Variants in CPEB2 observed in about 807,000 individuals in gnomAD.
The protein encoded by CPEB2 is cytoplasmic polyadenylation element binding protein 2.
In CPEB2, 56 loss-of-function variants were observed where a neutral mutation model predicts 93.6. That is an observed-to-expected ratio of 0.60 (90% CI 0.48 to 0.75). The LOEUF is 0.75. CPEB2 is among the 30% of genes least tolerant of loss of function. The pLI, the probability that CPEB2 is intolerant of heterozygous loss-of-function variation, is 0.00. For synonymous variants in CPEB2, 764 were observed against 586.3 expected (o/e 1.30, Z -4.38); for missense variants, 1,579 against 1,395.1 (o/e 1.13, Z -2.10).
In CPEB2 at chr4:15,004,201, C is replaced by G. The variant is rs938208942; in HGVS notation, c.1528C>G (p.Gln510Glu). The G allele has an allele frequency of 3.5e-6, 5 of 1,438,540 alleles. No individual in the cohort carries two copies. In the African/African-American group the frequency reaches 6.1e-5, roughly 17 times the overall value. The allele number at this position is 1,438,540 out of a possible 1,614,324, so 89.1% of individuals were successfully genotyped here. ...GCCGCCCGCCATGAATATACCTCAA[C>G]AGCAGCCCCCGCCGCCCGCGGCGCC... is the stretch of plus-strand genomic sequence containing the variant. Reference protein sequence around the residue: ...PPPPAMNIPQQQPPPPAAPQQ... With the variant: ...PPPPAMNIPQEQPPPPAAPQQ... The change falls in exon 1 of 12, where the codon CAG becomes GAG. Residue 510 changes from glutamine to glutamate, a missense_variant. Gln to Glu is a conservative substitution (Grantham distance 29). Transcript: ENST00000538197.
At chr4:15,015,400 T>C (rs1304425464) in intron 3 of CPEB2, among the ~76,000 whole-genome samples, 2 of 151,990 alleles carry the variant, frequency 1.3e-5, no homozygotes, top group African/African-American at 4.8e-5. Context: ...ATAGAGTTAA[T>C]TGGTGATAAA....
intron 6 of CPEB2, among the ~76,000 whole-genome samples, chr4:15,044,110 G>A (rs1052816200): frequency 1.3e-5 from 2 of 152,050 alleles, no homozygotes; most frequent in African/African-American, 4.8e-5. Context: ...TGAGAGAGTG[G>A]GCAAGATCTC....
intron 5 of CPEB2, among the ~76,000 whole-genome samples, chr4:15,038,612 G>A (rs1327959006): frequency 4.8e-5 from 7 of 147,188 alleles, no homozygotes; most frequent in Admixed American, 2.7e-4. Context: ...TCTTTGAGAC[G>A]GAGTCTCGTT....
intron 6 of CPEB2, among the ~76,000 whole-genome samples, chr4:15,045,270 C>T (rs1474185952): frequency 6.6e-6 from 1 of 152,128 alleles, no homozygotes; most frequent in African/African-American, 2.4e-5. Flanking sequence ...TCTAAATTCT[C>T]AGATGTTTTA....
rs1667143402 is a variant in CPEB2, at chr4:15,066,248, T to C, written c.2973T>C (p.Asn991=). ...GGKFAPFFCA[N]VTCLQYYCEF... is the part of the protein sequence containing the mutation. ...AATTTGCTCCCTTTTTTTGTGCCAA[T>C]GTCACTTGCCTGCAGTATTACTGTG... Residue 991 remains asparagine (N), a synonymous_variant, in exon 12 of 12, where the codon AAT becomes AAC. Transcript: ENST00000538197. 6.2e-7 allele frequency: 1 copy of C among 1,613,604 alleles called. No homozygotes were observed. Among genetic ancestry groups the C allele is most frequent in the Non-Finnish European group, 8.5e-7 (1 of 1,179,686 alleles).
chr4:15,066,428 G>A lies in CPEB2; in HGVS notation c.*48G>A. 5 of 1,341,622 alleles carry A rather than the reference G, an allele frequency of 3.7e-6. No homozygotes were observed. The highest frequency in any genetic ancestry group is 4.2e-6 in the Non-Finnish European group (4 of 954,770). 83.1% of individuals were successfully genotyped at this position (1,341,622 alleles called of 1,614,324 possible). On this transcript the variant is annotated 3_prime_UTR_variant, in exon 12 of 12. Transcript: ENST00000538197. ...TAACAAGGAAAGAAAGGGTGCATGT[G>A]GCTTACTGTGTCTGAAGATACTGAC...
chr4:15,004,927 T>G lies in CPEB2; in HGVS notation c.1662+592T>G, dbSNP rs1432980245. 1.3e-4 allele frequency: 12 copies of G among 92,738 alleles called. No individual in the cohort carries two copies. The East Asian group carries it at 3.7e-3, about 29-fold the overall frequency. The allele number at this position is 92,738 out of a possible 1,614,324, so 5.7% of individuals were successfully genotyped here. On this transcript the variant is annotated intron_variant, in intron 1 of 11. Transcript: ENST00000538197. Reference sequence around the variant, plus strand: ...GTCCAATGAGGGAAGGCGGAAAGGCTTTTTTTTTTCTTTGGAGTTTGTTTA... The same window carrying G: ...GTCCAATGAGGGAAGGCGGAAAGGCGTTTTTTTTTCTTTGGAGTTTGTTTA...
At chr4:15,009,643 T>G (rs1723232475) in intron 3 of CPEB2, among the ~76,000 whole-genome samples, 1 of 152,152 alleles carries the variant, frequency 6.6e-6, no homozygotes. Flanking sequence ...AGAGAAATGT[T>G]TTCAAATAGA....
chr4:15,042,910 A>C (rs1273150773), intron 6 of CPEB2, among the ~76,000 whole-genome samples: 1 of 152,204 alleles, frequency 6.6e-6, no homozygotes, highest in Non-Finnish European at 1.5e-5. Context: ...TCCATCAAAG[A>C]AACTGCATTT....
chr4:15,005,383 A>G (rs1722687854), intron 1 of CPEB2, among the ~76,000 whole-genome samples: 1 of 152,202 alleles, frequency 6.6e-6, no homozygotes, highest in Admixed American at 6.5e-5. Flanking sequence ...TTAAGTAGGT[A>G]ATATTGTGAA....
intron 6 of CPEB2, among the ~76,000 whole-genome samples, chr4:15,045,343 T>A (rs1401042976): frequency 6.6e-6 from 1 of 152,222 alleles, no homozygotes; most frequent in East Asian, 1.9e-4. Flanking sequence ...TCAGTGCTTA[T>A]GTACATAAAT....
At chr4:15,048,667 A>G (rs1727939863) in intron 6 of CPEB2, among the ~76,000 whole-genome samples, 1 of 151,846 alleles carries the variant, frequency 6.6e-6, no homozygotes, top group Non-Finnish European at 1.5e-5. Flanking sequence ...TGTTTTAAGC[A>G]TGTCTTGTTT....
chr4:15,065,691 T>G (rs1294443115), intron 11 of CPEB2, among the ~76,000 whole-genome samples: 3 of 152,056 alleles, frequency 2.0e-5, no homozygotes, highest in Non-Finnish European at 4.4e-5. Context: ...CTTTGTAAGA[T>G]TCTCCACAGT....
Position 15,003,034 on chromosome 4 carries a change from C to G in CPEB2, c.361C>G (p.His121Asp). 1 of 1,506,236 alleles carries G rather than the reference C, an allele frequency of 6.6e-7. No individual in the cohort carries two copies. Among genetic ancestry groups the G allele is most frequent in the Non-Finnish European group, 8.8e-7 (1 of 1,137,174 alleles). 93.3% of individuals were successfully genotyped at this position (1,506,236 alleles called of 1,614,324 possible). A position where few individuals can be genotyped will look rare whatever the true frequency, so the allele number is the denominator to read the frequency against. ...GAAATEKLPD[H>D]HPGGGTIAGV... ...GGCGGCCACGGAGAAACTCCCCGAC[C>G]ACCACCCCGGCGGCGGCACGATCGC... The change falls in exon 1 of 12, where the codon CAC becomes GAC. Residue 121 changes from histidine to aspartate, a missense_variant. His to Asp is a moderately conservative substitution (Grantham distance 81). This residue lies in a region of CPEB2 where 1,411 missense variants were observed against 1,056.0 expected (regional missense o/e 1.34). Coordinates refer to ENST00000538197, the MANE Select transcript of CPEB2 (RefSeq NM_001177382.2).
chr4:15,054,065 C>T (rs1035276938), intron 7 of CPEB2, 63 bp from the exon 8 acceptor site: 148 of 1,104,182 alleles, frequency 1.3e-4, no homozygotes, highest in Non-Finnish European at 1.8e-4. Context: ...AGTAACAGTA[C>T]AGAATTTCTT....
chr4:15,066,571 G>T lies in CPEB2; in HGVS notation c.*191G>T. ...TTTTCACCAAAACCCTACATCTCAGGCTTACTAATTTTTGTGATATTTTCA... is the reference window on the plus strand; with the variant it reads ...TTTTCACCAAAACCCTACATCTCAGTCTTACTAATTTTTGTGATATTTTCA... On this transcript the variant is annotated 3_prime_UTR_variant, in exon 12 of 12. Transcript: ENST00000538197. 2 of 522,792 alleles carry T rather than the reference G, an allele frequency of 3.8e-6. No individual in the cohort carries two copies. Among genetic ancestry groups the T allele is most frequent in the South Asian group, 3.0e-5 (1 of 32,850 alleles). 32.4% of individuals were successfully genotyped at this position (522,792 alleles called of 1,614,324 possible). A position where few individuals can be genotyped will look rare whatever the true frequency, so the allele number is the denominator to read the frequency against.
rs1040578195 is a variant in CPEB2, at chr4:15,061,928, C to T, written c.2696-151C>T. On this transcript the variant is annotated intron_variant, in intron 10 of 11. Transcript: ENST00000538197. ...GTTTAAAAAAAGCATCCTCGATCCC[C>T]GTCCTTTTTTAACAACAGCCTCTTA... 162 of 671,270 alleles carry T rather than the reference C, an allele frequency of 2.4e-4. 1 individual carries two copies. The highest frequency in any genetic ancestry group is 9.0e-5 in the Non-Finnish European group (37 of 411,298). 41.6% of individuals were successfully genotyped at this position (671,270 alleles called of 1,614,324 possible).
chr4:15,048,980 A>C (rs541646951), intron 6 of CPEB2, among the ~76,000 whole-genome samples: 1 of 152,058 alleles, frequency 6.6e-6, no homozygotes, highest in African/African-American at 2.4e-5. Context: ...TCTTCTTTTA[A>C]ATGAGTATTT....
At chr4:15,049,512 T>G (rs912575821) in intron 6 of CPEB2, among the ~76,000 whole-genome samples, 28 of 152,170 alleles carry the variant, frequency 1.8e-4, no homozygotes, top group African/African-American at 6.5e-4. Flanking sequence ...TAGAGAATTA[T>G]TCAATTAAAG....
Sources: gnomAD v4.1 joint callset for allele counts (sites outside exome capture counted in the v4.1 genomes callset) on GRCh38, gnomAD v4.1.1 for gene constraint, gnomAD v4.1.1 regional missense constraint, MANE v1.5 for transcripts, NCBI Gene and HGNC (gene_info 2026-07-23, HGNC 2026-07-21) for gene names.